The following LRP2 variants were observed in gnomAD, a reference collection of about 807,000 sequenced individuals.
LRP2 encodes the protein LDL receptor related protein 2, also known as low-density lipoprotein receptor-related protein 2.
Under a neutral mutation model 531.0 loss-of-function variants are expected in LRP2, and 172 were observed. That is an observed-to-expected ratio of 0.32 (90% confidence interval 0.29 to 0.37). The LOEUF (loss-of-function observed/expected upper bound fraction) is 0.37. LRP2 is among the 10% of genes least tolerant of loss of function. The pLI is 1.00. For missense variants in LRP2, 5,167 were observed against 5,868.3 expected (o/e 0.88, Z 3.90); for synonymous variants, 1,992 against 2,027.6 (o/e 0.98, Z 0.47).
chr2:169,270,525 A>C (rs1683378383), intron 16 of LRP2, among the ~76,000 whole-genome samples: 1 of 148,200 alleles, frequency 6.7e-6, no homozygotes, highest in Non-Finnish European at 1.5e-5. Context: ...CAAACACCAC[A>C]TGTTCTCACT....
At chr2:169,309,724 T>C (rs1300898146) in intron 3 of LRP2, among the ~76,000 whole-genome samples, 1 of 152,156 alleles carries the variant, frequency 6.6e-6, no homozygotes. Flanking sequence ...TTTGGTTCCA[T>C]ATGAACTTTA....
chr2:169,147,465 C>A (rs560776566), intron 68 of LRP2, among the ~76,000 whole-genome samples: 1 of 152,056 alleles, frequency 6.6e-6, no homozygotes, highest in Non-Finnish European at 1.5e-5. Flanking sequence ...CAGGCATGTG[C>A]CACCATGCCT....
intron 67 of LRP2, among the ~76,000 whole-genome samples, 162 bp from the exon 68 acceptor site, chr2:169,151,188 G>C (rs557192362): frequency 6.6e-6 from 1 of 152,136 alleles, no homozygotes; most frequent in Non-Finnish European, 1.5e-5. Flanking sequence ...TACAGCCAAG[G>C]GGACATGTTT....
intron 7 of LRP2, among the ~76,000 whole-genome samples, chr2:169,291,768 T>A (rs1306440728): frequency 3.9e-5 from 6 of 152,208 alleles, no homozygotes; most frequent in Non-Finnish European, 8.8e-5. Flanking sequence ...TGAGTGTCAG[T>A]GACTCATTTG....
chr2:169,282,574 C>T (rs568682310), intron 10 of LRP2, among the ~76,000 whole-genome samples: 1 of 152,310 alleles, frequency 6.6e-6, no homozygotes, highest in South Asian at 2.1e-4. Flanking sequence ...CAAATGTAGG[C>T]ATAGCATTTA....
intron 1 of LRP2, among the ~76,000 whole-genome samples, chr2:169,333,052 T>C (rs1196737296): frequency 1.3e-5 from 2 of 152,202 alleles, no homozygotes; most frequent in African/African-American, 4.8e-5. Flanking sequence ...CCAAAAGATT[T>C]CCAACAATAA....
At chr2:169,255,984 A>G (rs111272851) in intron 19 of LRP2, 122 bp downstream of exon 19, 5 of 1,004,164 alleles carry the variant, frequency 5.0e-6, no homozygotes, top group South Asian at 4.3e-5. Flanking sequence ...ACCATTTTAA[A>G]TTTTTTCATT....
chr2:169,321,526 C>G (rs773456614), intron 1 of LRP2, among the ~76,000 whole-genome samples: 1 of 150,422 alleles, frequency 6.6e-6, no homozygotes, highest in South Asian at 2.1e-4. Flanking sequence ...TTGATAACAT[C>G]GTGAGTAACT....
At chr2:169,308,719 A>G (rs1005480754) in intron 3 of LRP2, among the ~76,000 whole-genome samples, 1 of 152,144 alleles carries the variant, frequency 6.6e-6, no homozygotes, top group Non-Finnish European at 1.5e-5. Flanking sequence ...ATGATTTATA[A>G]TCCTTTGGGT....
At chr2:169,193,501 T>A (rs915677042) in intron 47 of LRP2, among the ~76,000 whole-genome samples, 1 of 150,512 alleles carries the variant, frequency 6.6e-6, no homozygotes, top group South Asian at 2.1e-4. Flanking sequence ...GTTTTTTTTT[T>A]CCCCTAGAAA....
rs370126040 is a variant in LRP2, at chr2:169,142,662, C to T, written c.13108+12G>A. On this transcript the variant is annotated intron_variant, in intron 71 of 78. Transcript: ENST00000649046. Reference sequence around the variant, plus strand: ...TCCCAGGCCCCCATAGCTGCTTGGGCAGTGCTCCTACCTGCATCACACTCA... The same window carrying T: ...TCCCAGGCCCCCATAGCTGCTTGGGTAGTGCTCCTACCTGCATCACACTCA... 332 of 1,613,386 alleles carry T rather than the reference C, an allele frequency of 2.1e-4. No homozygotes were observed. Among genetic ancestry groups the T allele is most frequent in the Non-Finnish European group, 2.3e-4 (272 of 1,179,636 alleles).
chr2:169,173,916 T>A lies in LRP2; in HGVS notation c.11014+3A>T. 6.2e-7 allele frequency: 1 copy of A among 1,614,102 alleles called. No individual in the cohort carries two copies. Among genetic ancestry groups the A allele is most frequent in the Non-Finnish European group, 8.5e-7 (1 of 1,180,006 alleles). ...ATGCCTTGGTCCTCCCACAGGAACT[T>A]ACTGCATTCTTCAATGGGCTCATCC... On this transcript the variant is annotated splice_donor_region_variant and intron_variant, in intron 56 of 78. Coordinates refer to ENST00000649046, the MANE Select transcript of LRP2 (RefSeq NM_004525.3).
rs2302694 is a variant in LRP2, at chr2:169,231,841, G to A, written c.5100C>T (p.Ser1700=). The A allele has an allele frequency of 0.12, 189,577 of 1,613,526 alleles. 14,569 individuals are homozygous for A. Among genetic ancestry groups the A allele is most frequent in the African/African-American group, 0.39 (29,079 of 74,872 alleles). ...AGCGGGAAAAGGCACATGGATTCAC[G>A]GCTGCATGAGAAAGAGAAGAAAGCA... ...VAVHPSKQPN[S]VNPCAFSRCS... The change falls in exon 31 of 79, where the codon TCC becomes TCT. Residue 1700 remains serine (S), a splice_region_variant and synonymous_variant. Transcript: ENST00000649046.
At chr2:169,277,451 T>C (rs1683586338) in intron 13 of LRP2, among the ~76,000 whole-genome samples, 2 of 151,976 alleles carry the variant, frequency 1.3e-5, no homozygotes, top group South Asian at 4.1e-4. Flanking sequence ...CAGGAGTGAA[T>C]GAAAATAATG....
chr2:169,257,693 G>T (rs922290237), intron 17 of LRP2, among the ~76,000 whole-genome samples: 1 of 151,720 alleles, frequency 6.6e-6, no homozygotes, highest in Non-Finnish European at 1.5e-5. Context: ...TGATAAATTT[G>T]CAGGAAACCA....
At chr2:169,223,201 C>T (rs72876246) in intron 33 of LRP2, among the ~76,000 whole-genome samples, 3,645 of 152,230 alleles carry the variant, frequency 0.024, 58 homozygotes, top group Admixed American at 0.041. Context: ...TCCTCTGTAC[C>T]ACACTGCATC....
intron 1 of LRP2, among the ~76,000 whole-genome samples, chr2:169,328,487 T>G (rs1488379022): frequency 8.9e-6 from 1 of 112,942 alleles, no homozygotes; most frequent in African/African-American, 3.2e-5. Context: ...AATAAATAAA[T>G]AAATAAATAA....
chr2:169,171,906 T>C lies in LRP2; in HGVS notation c.11263+109A>G, dbSNP rs112149465. On this transcript the variant is annotated intron_variant, in intron 58 of 78. Coordinates refer to ENST00000649046, the MANE Select transcript of LRP2 (RefSeq NM_004525.3). ...GAAAGAAAGAGATCAGACAGCTTGA[T>C]ATCATCCTACCCATTGAGGATCAAT... 153 of 1,350,508 alleles carry C rather than the reference T, an allele frequency of 1.1e-4. 1 individual carries two copies. In the African/African-American group the frequency reaches 2.0e-3, roughly 17 times the overall value. 83.7% of individuals were successfully genotyped at this position (1,350,508 alleles called of 1,614,324 possible). A position where few individuals can be genotyped will look rare whatever the true frequency, so the allele number is the denominator to read the frequency against.
chr2:169,325,905 C>T (rs959788110), intron 1 of LRP2, among the ~76,000 whole-genome samples: 3 of 151,620 alleles, frequency 2.0e-5, no homozygotes, highest in African/African-American at 7.3e-5. Context: ...ACTATAAGGA[C>T]ATTTCAAGAA....
Sources: gnomAD v4.1 joint callset for allele counts (sites outside exome capture counted in the v4.1 genomes callset) on GRCh38, gnomAD v4.1.1 for gene constraint, MANE v1.5 for transcripts, NCBI Gene and HGNC (gene_info 2026-07-23, HGNC 2026-07-21) for gene names.